CPLX1: variants seen among roughly 807,000 people sequenced by gnomAD.
CPLX1 encodes complexin-1.
CPLX1 carries 6 observed loss-of-function variants against 15.6 expected under a neutral mutation model. The ratio of observed to expected loss-of-function variants is 0.39; its 90% CI spans 0.21 to 0.76. The LOEUF (loss-of-function observed/expected upper bound fraction) is 0.76, where lower values mean the gene tolerates loss of function less well. CPLX1 is among the 30% of genes least tolerant of loss of function. The probability of loss-of-function intolerance (pLI) is 0.43; values close to 1 mark genes in which losing one functional copy is unlikely to be tolerated. For synonymous variants in CPLX1, 91 were observed against 75.2 expected, an observed-to-expected ratio of 1.21 and a Z score of -1.08; for missense variants, 242 against 188.6, an observed-to-expected ratio of 1.28 and a Z score of -1.66.
chr4:801,579 G>A (rs573215754), intron 2 of CPLX1, among the ~76,000 whole-genome samples: 22 of 152,278 alleles, frequency 1.4e-4, no homozygotes, highest in African/African-American at 5.1e-4. Context: ...TACAACTTCC[G>A]TGCCATTCAG....
intron 2 of CPLX1, among the ~76,000 whole-genome samples, chr4:800,860 T>C (rs535861804): frequency 5.2e-4 from 78 of 150,390 alleles, no homozygotes; most frequent in African/African-American, 1.8e-3. Context: ...TATATATATA[T>C]ATATATATTA....
chr4:812,028 C>G (rs1746673403), intron 2 of CPLX1, among the ~76,000 whole-genome samples: 1 of 152,106 alleles, frequency 6.6e-6, no homozygotes, highest in African/African-American at 2.4e-5. Context: ...AAGTTTTCTT[C>G]TTATTTTTTC....
chr4:797,885 G>A (rs949885833), intron 2 of CPLX1, among the ~76,000 whole-genome samples: 11 of 152,004 alleles, frequency 7.2e-5, no homozygotes, highest in African/African-American at 1.7e-4. Flanking sequence ...AGCCAAGATC[G>A]CGCCACTGGA....
At chr4:821,500 T>C (rs1197319644) in intron 2 of CPLX1, among the ~76,000 whole-genome samples, 1 of 152,034 alleles carries the variant, frequency 6.6e-6, no homozygotes. Flanking sequence ...GGAGAGCGGG[T>C]GGCTGCTCGC....
chr4:793,273 A>G (rs1746239242), intron 2 of CPLX1, among the ~76,000 whole-genome samples: 1 of 152,038 alleles, frequency 6.6e-6, no homozygotes, highest in South Asian at 2.1e-4. Context: ...AGAAGCTGGC[A>G]TGGGGGCTGG....
At chr4:792,327 G>A (rs1746202750) in intron 3 of CPLX1, 106 bp downstream of exon 3, 2 of 1,129,704 alleles carry the variant, frequency 1.8e-6, no homozygotes, top group Non-Finnish European at 2.4e-6. Flanking sequence ...GAGGCCCAGG[G>A]GGACGCCCGC....
intron 3 of CPLX1, among the ~76,000 whole-genome samples, 155 bp downstream of exon 3, chr4:792,278 C>T (rs1461898045): frequency 6.6e-6 from 1 of 152,172 alleles, no homozygotes; most frequent in Non-Finnish European, 1.5e-5. Context: ...GAGCCCCCAC[C>T]CCTCACCCCT....
chr4:809,260 C>T lies in CPLX1; in HGVS notation c.31+15232G>A, dbSNP rs550147966. Among the ~76,000 whole-genome samples the T allele has an allele frequency of 1.1e-3, 162 of 152,382 alleles. 4 individuals carry two copies. The South Asian group carries it at 0.029, about 27-fold the overall frequency. ...ACGTCCTCGCCTATAGACAGTGGAA[C>T]GGTGATGACTCCCCAAGGCCCCTTC... On this transcript the variant is annotated intron_variant, in intron 2 of 3. Transcript: ENST00000304062.
chr4:790,960 C>G (rs983374716), intron 3 of CPLX1, among the ~76,000 whole-genome samples: 1 of 139,094 alleles, frequency 7.2e-6, no homozygotes, highest in Non-Finnish European at 1.6e-5. Flanking sequence ...CTCTCCCTCT[C>G]TGTGTCTCTG....
intron 2 of CPLX1, among the ~76,000 whole-genome samples, chr4:795,863 C>T (rs116304563): frequency 0.014 from 2,103 of 152,214 alleles, 31 homozygotes; most frequent in Admixed American, 0.02. Context: ...GAGACTCCAC[C>T]GCCCACCCCA....
intron 2 of CPLX1, among the ~76,000 whole-genome samples, chr4:805,643 C>T (rs1478320680): frequency 6.6e-6 from 1 of 152,190 alleles, no homozygotes; most frequent in East Asian, 1.9e-4. Context: ...CTCACAGATA[C>T]CTCCATACCC....
chr4:812,661 C>G (rs1365456436), intron 2 of CPLX1, among the ~76,000 whole-genome samples: 1 of 151,682 alleles, frequency 6.6e-6, no homozygotes, highest in Non-Finnish European at 1.5e-5. Context: ...ATATCAAGAG[C>G]AAAACTCAAG....
intron 2 of CPLX1, among the ~76,000 whole-genome samples, chr4:810,939 C>T (rs929570943): frequency 7.9e-5 from 12 of 152,022 alleles, no homozygotes; most frequent in South Asian, 6.2e-4. Flanking sequence ...TCAGGTGATC[C>T]GCCCGCCTCA....
Position 792,531 on chromosome 4 carries a change from G to A in CPLX1, c.109C>T (p.Arg37Trp). ...DPDAAKKEEERQEALRQAEEE... is the reference protein window; with the variant it reads ...DPDAAKKEEEWQEALRQAEEE... ...TCCGCCTGGCGCAGCGCCTCCTGCC[G>A]CTCCTCCTCCTTCTTGGCGGCGTCT... Residue 37 changes from arginine to tryptophan, a missense_variant, in exon 3 of 4, where the codon CGG becomes TGG. Arg to Trp is a moderately radical substitution (Grantham distance 101). Transcript: ENST00000304062. The A allele has an allele frequency of 6.2e-7, 1 of 1,613,370 alleles. No individual in the cohort carries two copies. The highest frequency in any genetic ancestry group is 8.5e-7 in the Non-Finnish European group (1 of 1,179,716).
chr4:786,743 G>A (rs774012849), intron 3 of CPLX1, 45 bp from the exon 4 acceptor site: 7 of 1,540,858 alleles, frequency 4.5e-6, no homozygotes, highest in Non-Finnish European at 6.1e-6. Context: ...GGCGGCTCCC[G>A]GGCGGGCCGC....
In CPLX1 at chr4:794,756, T is replaced by A. The variant is rs866829512; in HGVS notation, c.32-2148A>T. ...TCTATAAGGAGGTGGGTGAGCCTGG[T>A]CTCTCCCCACATTGCTCTCCTGATG... is the stretch of plus-strand genomic sequence containing the variant. On this transcript the variant is annotated intron_variant, in intron 2 of 3. Transcript: ENST00000304062. Among the ~76,000 whole-genome samples, 4 of 152,186 alleles carry A rather than the reference T, an allele frequency of 2.6e-5. No homozygotes were observed. The South Asian group carries it at 8.3e-4, about 32-fold the overall frequency.
At chr4:796,393 C>G (rs1382344719) in intron 2 of CPLX1, among the ~76,000 whole-genome samples, 1 of 152,194 alleles carries the variant, frequency 6.6e-6, no homozygotes, top group Admixed American at 6.5e-5. Flanking sequence ...TCACGCAATT[C>G]CCTTGCCTCC....
At chr4:820,525 G>T (rs6599381) in intron 2 of CPLX1, among the ~76,000 whole-genome samples, 52,226 of 152,112 alleles carry the variant, frequency 0.34, 9,185 homozygotes, top group Middle Eastern at 0.44. Context: ...GATCCCAGTT[G>T]CCTCCATGGC....
At chr4:800,780 CAT>C (rs1336761960) in intron 2 of CPLX1, among the ~76,000 whole-genome samples, 3 of 144,844 alleles carry the variant, frequency 2.1e-5, no homozygotes, top group Admixed American at 7.0e-5. Flanking sequence ...CACACAGACA[CAT>C]ATATGTGTAT....
Sources: gnomAD v4.1 joint callset for allele counts (sites outside exome capture counted in the v4.1 genomes callset) on GRCh38, gnomAD v4.1.1 for gene constraint, MANE v1.5 for transcripts, NCBI Gene and HGNC (gene_info 2026-07-23, HGNC 2026-07-21) for gene names.